SCGB2B2: variants seen among roughly 807,000 people sequenced by gnomAD.
The protein encoded by SCGB2B2 is secretoglobin-like protein.
Under a neutral mutation model 7.6 loss-of-function variants are expected in SCGB2B2, and 11 were observed. That is an observed-to-expected ratio of 1.45 (90% CI 0.91 to 2.40). The LOEUF (loss-of-function observed/expected upper bound fraction) is 2.40. Among genes scored for constraint, SCGB2B2 ranks in the 30% most tolerant of loss-of-function variants. The probability of loss-of-function intolerance (pLI) is 0.00; values close to 1 mark genes in which losing one functional copy is unlikely to be tolerated. For missense variants in SCGB2B2, 104 were observed against 115.4 expected (o/e 0.90, Z 0.45); for synonymous variants, 50 against 48.6 (o/e 1.03, Z -0.12).
intron 1 of SCGB2B2, among the ~76,000 whole-genome samples, chr19:34,611,280 T>C (rs992061852): frequency 2.0e-5 from 3 of 152,204 alleles, no homozygotes; most frequent in African/African-American, 7.2e-5. Flanking sequence ...CAGCTTTTCA[T>C]TTTTTGATCT....
intron 1 of SCGB2B2, among the ~76,000 whole-genome samples, chr19:34,598,296 G>A (rs1259306609): frequency 6.6e-6 from 1 of 152,178 alleles, no homozygotes; most frequent in Non-Finnish European, 1.5e-5. Flanking sequence ...CGTGGAATGG[G>A]GTCTGTAGGG....
At chr19:34,660,842 C>G (rs779440723) in intron 1 of SCGB2B2, among the ~76,000 whole-genome samples, 17 of 152,182 alleles carry the variant, frequency 1.1e-4, no homozygotes, top group Admixed American at 2.6e-4. Flanking sequence ...TATTGCAGCA[C>G]TATTCACAAT....
intron 1 of SCGB2B2, among the ~76,000 whole-genome samples, chr19:34,631,506 T>C (rs370654059): frequency 6.6e-6 from 1 of 152,094 alleles, no homozygotes; most frequent in Admixed American, 6.6e-5. Context: ...TAATTTAAAA[T>C]TGAAATTTAA....
intron 1 of SCGB2B2, among the ~76,000 whole-genome samples, chr19:34,657,708 A>T (rs2067319617): frequency 6.6e-6 from 1 of 152,196 alleles, no homozygotes; most frequent in Non-Finnish European, 1.5e-5. Flanking sequence ...ATTAACAAGG[A>T]TATCCAGGAC....
In SCGB2B2 at chr19:34,665,551, C is replaced by A. The variant is rs145669921; in HGVS notation, c.-2032+10079G>T. Among the ~76,000 whole-genome samples, 357 of 152,268 alleles carry A rather than the reference C, an allele frequency of 2.3e-3. 1 individual carries two copies. The highest frequency in any genetic ancestry group is 4.2e-3 in the Non-Finnish European group (286 of 68,004). Reference sequence around the variant, plus strand: ...GTCATGTCATGCAGGTGACCTCATGCGGGCATGGTGGCACTTGTGGGGCAG... The same window carrying A: ...GTCATGTCATGCAGGTGACCTCATGAGGGCATGGTGGCACTTGTGGGGCAG... On this transcript the variant is annotated intron_variant, in intron 1 of 3. Transcript: ENST00000601241.
At chr19:34,588,996 G>C (rs1413090544), downstream of SCGB2B2, among the ~76,000 whole-genome samples, 1 of 152,170 alleles carries the variant, frequency 6.6e-6, no homozygotes, top group Non-Finnish European at 1.5e-5. Flanking sequence ...AAGGTCAGCA[G>C]GCTGGGTCCT....
intron 1 of SCGB2B2, among the ~76,000 whole-genome samples, chr19:34,604,942 C>G (rs1440458842): frequency 6.6e-6 from 1 of 151,884 alleles, no homozygotes; most frequent in African/African-American, 2.4e-5. Context: ...TTGTGAAAAA[C>G]CAGAAAATTA....
intron 1 of SCGB2B2, among the ~76,000 whole-genome samples, chr19:34,636,191 A>G (rs1023734436): frequency 2.6e-5 from 4 of 152,204 alleles, no homozygotes; most frequent in Admixed American, 2.0e-4. Flanking sequence ...GTTCATTGCA[A>G]GACTCCTGGT....
At chr19:34,645,723 G>A (rs1027618696) in intron 1 of SCGB2B2, 4 of 407,700 alleles carry the variant, frequency 9.8e-6, no homozygotes, top group African/African-American at 2.1e-5. Context: ...GTCCAGCTGG[G>A]TGAGAAAGAA....
intron 1 of SCGB2B2, among the ~76,000 whole-genome samples, chr19:34,625,479 G>T (rs1031229636): frequency 1.3e-5 from 2 of 152,210 alleles, no homozygotes; most frequent in African/African-American, 4.8e-5. Flanking sequence ...TATATCCCAT[G>T]CATGGCTCGG....
chr19:34,603,616 G>A (rs1208723752), intron 1 of SCGB2B2, among the ~76,000 whole-genome samples: 2 of 152,064 alleles, frequency 1.3e-5, no homozygotes, highest in African/African-American at 4.8e-5. Context: ...CATTGTTCCA[G>A]GATTAATTAT....
intron 1 of SCGB2B2, among the ~76,000 whole-genome samples, chr19:34,607,954 C>A (rs2065826960): frequency 6.7e-6 from 1 of 149,946 alleles, no homozygotes; most frequent in Non-Finnish European, 1.5e-5. Flanking sequence ...TTTTGTGATT[C>A]CATAAATATT....
chr19:34,631,715 A>G (rs2066540635), intron 1 of SCGB2B2, among the ~76,000 whole-genome samples: 1 of 152,280 alleles, frequency 6.6e-6, no homozygotes, highest in East Asian at 1.9e-4. Flanking sequence ...TATTCAATGC[A>G]ATCCCAATCA....
rs1320079325 is a variant in SCGB2B2, at chr19:34,596,102, T to A, written c.-1539A>T. The A allele has an allele frequency of 6.6e-6, 1 of 152,256 alleles. No individual in the cohort carries two copies. Among genetic ancestry groups the A allele is most frequent in the Non-Finnish European group, 1.5e-5 (1 of 68,072 alleles). 9.4% of individuals were successfully genotyped at this position (152,256 alleles called of 1,614,324 possible). ...AGAACCTCATAGTAGCGCCCAGGAC[T>A]TGGGCCTCTTAAAGGACCTACCCAG... is the stretch of plus-strand genomic sequence containing the variant. On this transcript the variant is annotated 5_prime_UTR_variant, in exon 2 of 4. It adds an upstream start codon to the 5' untranslated region. Transcript: ENST00000601241.
Position 34,661,738 on chromosome 19 carries a change from G to A in SCGB2B2, c.-2032+13892C>T, listed in dbSNP as rs147923375. 2.4e-3 allele frequency among the ~76,000 whole-genome samples: 367 copies of A among 152,266 alleles called. 2 individuals carry two copies. The highest frequency in any genetic ancestry group is 8.5e-3 in the African/African-American group (352 of 41,554). ...CTTAAACCAAGCTTGTCCAACCTGC[G>A]GCCTGCAGGCCCCATGCAGCCCAGG... On this transcript the variant is annotated intron_variant, in intron 1 of 3. Coordinates refer to ENST00000601241, the MANE Select transcript of SCGB2B2 (RefSeq NM_001025591.4).
chr19:34,622,027 A>C (rs1468585349), intron 1 of SCGB2B2, among the ~76,000 whole-genome samples: 6 of 152,204 alleles, frequency 3.9e-5, no homozygotes, highest in Admixed American at 3.3e-4. Flanking sequence ...TTCTCTTAGA[A>C]GACAGCAGTT....
intron 1 of SCGB2B2, among the ~76,000 whole-genome samples, chr19:34,597,071 G>A (rs1181057469): frequency 1.3e-5 from 2 of 151,354 alleles, no homozygotes; most frequent in African/African-American, 4.8e-5. Context: ...GCATTGCCCT[G>A]GGAGGGACAT....
At chr19:34,660,241 G>C (rs190129808) in intron 1 of SCGB2B2, among the ~76,000 whole-genome samples, 236 of 152,140 alleles carry the variant, frequency 1.6e-3, no homozygotes, top group African/African-American at 5.5e-3. Flanking sequence ...CTTTATGACT[G>C]AAACACCAAA....
At chr19:34,588,510 G>A (rs138733086), downstream of SCGB2B2, among the ~76,000 whole-genome samples, 2 of 152,278 alleles carry the variant, frequency 1.3e-5, no homozygotes, top group Admixed American at 6.5e-5. Context: ...CTATTGACTC[G>A]GCTTGAAGAT....
Sources: allele counts gnomAD v4.1 joint callset (sites outside exome capture counted in the v4.1 genomes callset), GRCh38; gene constraint gnomAD v4.1.1; transcripts MANE v1.5; gene names NCBI Gene and HGNC (gene_info 2026-07-23, HGNC 2026-07-21).